The following TACC2 variants were observed in gnomAD, a reference collection of about 807,000 sequenced individuals.
The protein encoded by TACC2 is transforming acidic coiled-coil containing protein 2, also known as transforming acidic coiled-coil-containing protein 2.
TACC2 carries 137 observed loss-of-function variants against 227.3 expected under a neutral mutation model. That is an observed-to-expected ratio of 0.60 (90% CI 0.52 to 0.69). The LOEUF (loss-of-function observed/expected upper bound fraction) is 0.69. Among genes scored for constraint, TACC2 ranks in the 30% least tolerant of loss-of-function variants. The pLI is 0.00. For synonymous variants in TACC2, 1,523 were observed against 1,487.5 expected (o/e 1.02, Z -0.55); for missense variants, 3,470 against 3,694.4 (o/e 0.94, Z 1.57).
At chr10:122,149,382 C>T (rs927084888) in intron 7 of TACC2, among the ~76,000 whole-genome samples, 1 of 152,176 alleles carries the variant, frequency 6.6e-6, no homozygotes, top group East Asian at 1.9e-4. Context: ...GCCGGATCCC[C>T]GGTGCTGGGC....
chr10:122,151,041 G>A (rs1008434778), intron 7 of TACC2, among the ~76,000 whole-genome samples: 1 of 152,134 alleles, frequency 6.6e-6, no homozygotes, highest in Non-Finnish European at 1.5e-5. Context: ...ACCTCTTGGG[G>A]GTTATTGTGA....
intron 5 of TACC2, among the ~76,000 whole-genome samples, chr10:122,108,395 T>C (rs2083151747): frequency 1.3e-5 from 2 of 150,196 alleles, no homozygotes; most frequent in South Asian, 4.3e-4. Flanking sequence ...TCTTTCTCTC[T>C]CTCTCTATGT....
At chr10:122,138,049 A>G (rs2089982094) in intron 6 of TACC2, among the ~76,000 whole-genome samples, 1 of 152,040 alleles carries the variant, frequency 6.6e-6, no homozygotes, top group African/African-American at 2.4e-5. Flanking sequence ...ATTCATACTG[A>G]CTACAGCTTT....
At chr10:122,070,846 G>A (rs1463629924) in intron 3 of TACC2, among the ~76,000 whole-genome samples, 1 of 151,562 alleles carries the variant, frequency 6.6e-6, no homozygotes, top group African/African-American at 2.4e-5. Context: ...AATCACTTGA[G>A]CCTGGAGGCA....
chr10:122,251,487 T>G (rs1270283898), intron 22 of TACC2, among the ~76,000 whole-genome samples: 1 of 152,200 alleles, frequency 6.6e-6, no homozygotes, highest in African/African-American at 2.4e-5. Context: ...CTCTTGATAA[T>G]CTATGTATGG....
chr10:122,189,636 G>A (rs930232546), intron 7 of TACC2, among the ~76,000 whole-genome samples: 1 of 152,156 alleles, frequency 6.6e-6, no homozygotes, highest in African/African-American at 2.4e-5. Context: ...GCTGCAAAGT[G>A]GAATTCTAAG....
In TACC2 at chr10:122,210,320, G is replaced by A; in HGVS notation, c.5972-77G>A. 1 of 1,169,490 alleles carries A rather than the reference G, an allele frequency of 8.6e-7. No individual in the cohort carries two copies. The highest frequency in any genetic ancestry group is 1.3e-6 in the Non-Finnish European group (1 of 783,298). The allele number at this position is 1,169,490 out of a possible 1,614,324, so 72.4% of individuals were successfully genotyped here. ...TTTGTCAACCCCTACGCTGGAGGGTGATGTTTTGGTACAAGAGGAGAGGTG... is the reference window on the plus strand; with the variant it reads ...TTTGTCAACCCCTACGCTGGAGGGTAATGTTTTGGTACAAGAGGAGAGGTG... On this transcript the variant is annotated intron_variant, in intron 8 of 22. Coordinates refer to ENST00000369005, the MANE Select transcript of TACC2 (RefSeq NM_206862.4). The surrounding 1 kb of genome is among the most constrained non-coding windows in gnomAD (Gnocchi z 4.6).
intron 1 of TACC2, among the ~76,000 whole-genome samples, chr10:121,997,329 AC>A (rs1953655401): frequency 1.3e-5 from 2 of 150,486 alleles, no homozygotes; most frequent in South Asian, 4.2e-4. Flanking sequence ...CTGGGATCTT[AC>A]CCCGCCTCTC....
At chr10:122,125,994 A>G (rs1191642933) in intron 5 of TACC2, among the ~76,000 whole-genome samples, 2 of 151,740 alleles carry the variant, frequency 1.3e-5, no homozygotes, top group East Asian at 3.9e-4. Context: ...GGCCAGGATG[A>G]TCTCGATCTC....
At chr10:122,065,540 C>T (rs969130701) in intron 3 of TACC2, among the ~76,000 whole-genome samples, 11 of 152,030 alleles carry the variant, frequency 7.2e-5, no homozygotes, top group African/African-American at 2.4e-4. Flanking sequence ...AGAATATGGT[C>T]TCCCTTGTAC....
chr10:122,184,470 C>T (rs755356195), intron 7 of TACC2, among the ~76,000 whole-genome samples: 5 of 152,112 alleles, frequency 3.3e-5, no homozygotes, highest in South Asian at 2.1e-4. Flanking sequence ...AGCTGGGTTC[C>T]GTGTATTGTA....
chr10:122,037,840 G>A (rs1017864954), intron 2 of TACC2, among the ~76,000 whole-genome samples: 2 of 152,234 alleles, frequency 1.3e-5, no homozygotes, highest in Non-Finnish European at 2.9e-5. Context: ...GGATGGGGCT[G>A]AGGTCCTGGG....
chr10:121,998,449 T>C (rs1490150623), intron 1 of TACC2, among the ~76,000 whole-genome samples: 2 of 152,142 alleles, frequency 1.3e-5, no homozygotes, highest in East Asian at 3.9e-4. Flanking sequence ...GATATCACTG[T>C]GTTTTTATCA....
chr10:122,119,573 T>TATACA (rs1363876299), intron 5 of TACC2, among the ~76,000 whole-genome samples: 3,148 of 152,332 alleles, frequency 0.021, 131 homozygotes, highest in African/African-American at 0.071. Context: ...CTCACCTGAC[T>TATACA]GTATAGCTTC....
rs966325506 is a variant in TACC2 at position 122,194,257 on chromosome 10, G to T, written c.5835-783G>T. 1.1e-4 allele frequency among the ~76,000 whole-genome samples: 17 copies of T among 152,208 alleles called. No homozygotes were observed. Among genetic ancestry groups the T allele is most frequent in the South Asian group, 2.1e-4 (1 of 4,820 alleles). On this transcript the variant is annotated intron_variant, in intron 7 of 22. Coordinates refer to ENST00000369005, the MANE Select transcript of TACC2 (RefSeq NM_206862.4). This position sits in a 1 kb window ranked among gnomAD's most constrained non-coding sequence, Gnocchi z 4.4. ...CCTCTTCAACCCAGGCCAAGGCTTG[G>T]CCAGTGGCCTCTCCTTGTTAGTGGG...
intron 5 of TACC2, among the ~76,000 whole-genome samples, chr10:122,120,823 C>T (rs1403493268): frequency 4.0e-5 from 6 of 151,860 alleles, no homozygotes; most frequent in East Asian, 1.9e-4. Flanking sequence ...TGCAGTGGCG[C>T]GATCTCAGCT....
chr10:122,014,056 A>G (rs1001423530), intron 1 of TACC2, among the ~76,000 whole-genome samples: 3 of 152,186 alleles, frequency 2.0e-5, no homozygotes, highest in Non-Finnish European at 4.4e-5. Flanking sequence ...TTTTTTCAAT[A>G]GAGAATAAAA....
intron 7 of TACC2, among the ~76,000 whole-genome samples, chr10:122,165,151 T>C (rs1035042513): frequency 2.0e-5 from 3 of 152,170 alleles, no homozygotes; most frequent in Admixed American, 2.0e-4. Flanking sequence ...TGGAGGCACA[T>C]CGCGTTTGAG....
At chr10:122,003,032 G>A (rs199713120) in intron 1 of TACC2, among the ~76,000 whole-genome samples, 4 of 152,132 alleles carry the variant, frequency 2.6e-5, no homozygotes, top group East Asian at 3.9e-4. Flanking sequence ...GTGAAACCCC[G>A]TCTCTACTAA....
Sources: allele counts gnomAD v4.1 joint callset (sites outside exome capture counted in the v4.1 genomes callset), GRCh38; gene constraint gnomAD v4.1.1; non-coding constraint Gnocchi (gnomAD v3.1); transcripts MANE v1.5; gene names NCBI Gene and HGNC (gene_info 2026-07-23, HGNC 2026-07-21).